Variants in RAPGEF4 observed in about 807,000 individuals in gnomAD.
RAPGEF4 encodes the protein Rap guanine nucleotide exchange factor 4, also known as RAP guanine-nucleotide-exchange factor (GEF) 4.
A neutral mutation model predicts 147.9 loss-of-function variants in RAPGEF4; 66 were observed. The ratio of observed to expected loss-of-function variants is 0.45; its 90% CI spans 0.37 to 0.55. The LOEUF (loss-of-function observed/expected upper bound fraction) is 0.55, where lower values mean the gene tolerates loss of function less well. Among genes scored for constraint, RAPGEF4 ranks in the 20% least tolerant of loss-of-function variants. The pLI is 0.00. For missense variants in RAPGEF4, 1,071 were observed against 1,257.3 expected, an observed-to-expected ratio of 0.85 and a Z score of 2.24; for synonymous variants, 419 against 442.7, an observed-to-expected ratio of 0.95 and a Z score of 0.67.
At chr2:172,811,780 A>G (rs1016096223) in intron 3 of RAPGEF4, among the ~76,000 whole-genome samples, 7 of 152,178 alleles carry the variant, frequency 4.6e-5, no homozygotes, top group Admixed American at 6.5e-5. Flanking sequence ...TTCTTAATCT[A>G]CCTTTCATCA....
intron 4 of RAPGEF4, among the ~76,000 whole-genome samples, chr2:172,830,162 C>T (rs1267266091): frequency 2.0e-5 from 3 of 152,078 alleles, no homozygotes; most frequent in Non-Finnish European, 2.9e-5. Context: ...CATTTATTCC[C>T]AGTGTAACAT....
intron 1 of RAPGEF4, among the ~76,000 whole-genome samples, chr2:172,754,165 G>T (rs1695552840): frequency 6.6e-6 from 1 of 152,040 alleles, no homozygotes; most frequent in Non-Finnish European, 1.5e-5. Context: ...TTTTTTTTGT[G>T]TGGGTGTTTT....
chr2:172,892,012 G>A (rs1697972362), intron 4 of RAPGEF4, among the ~76,000 whole-genome samples: 1 of 152,108 alleles, frequency 6.6e-6, no homozygotes, highest in Non-Finnish European at 1.5e-5. Flanking sequence ...TTTATAAAAT[G>A]ACCATGAAGA....
intron 25 of RAPGEF4, among the ~76,000 whole-genome samples, chr2:173,028,888 C>T (rs1350249203): frequency 1.3e-5 from 2 of 152,192 alleles, no homozygotes; most frequent in Non-Finnish European, 2.9e-5. Context: ...TGTTCTTATT[C>T]CTCTGTTTAC....
chr2:172,805,556 A>G (rs1393775484), intron 3 of RAPGEF4, among the ~76,000 whole-genome samples: 1 of 152,176 alleles, frequency 6.6e-6, no homozygotes, highest in Non-Finnish European at 1.5e-5. Flanking sequence ...TAACCCAAGG[A>G]AAAGAGCACC....
intron 1 of RAPGEF4, among the ~76,000 whole-genome samples, chr2:172,757,064 A>G (rs1695851121): frequency 6.6e-6 from 1 of 152,230 alleles, no homozygotes; most frequent in South Asian, 2.1e-4. Flanking sequence ...ACCTGCTGAG[A>G]TCTTGGAGTT....
chr2:172,964,543 G>A (rs1413095642), intron 8 of RAPGEF4, among the ~76,000 whole-genome samples: 3 of 151,692 alleles, frequency 2.0e-5, no homozygotes, highest in South Asian at 2.1e-4. Context: ...TCCCAAAGTG[G>A]CACAGAACCA....
rs543918800 is a variant in RAPGEF4 at position 172,961,515 on chromosome 2, C to T, written c.698+287C>T. 5.3e-5 allele frequency among the ~76,000 whole-genome samples: 8 copies of T among 152,176 alleles called. No homozygotes were observed. In the South Asian group the frequency reaches 1.2e-3, roughly 24 times the overall value. On this transcript the variant is annotated intron_variant, in intron 8 of 30. Coordinates refer to ENST00000397081, the MANE Select transcript of RAPGEF4 (RefSeq NM_007023.4). ...TTTTTGCTAGTGACTTTTAGGAAGCCTACTAGATTTAGATCACATTCAACC... is the reference window on the plus strand; with the variant it reads ...TTTTTGCTAGTGACTTTTAGGAAGCTTACTAGATTTAGATCACATTCAACC...
chr2:172,845,368 G>A (rs898004076), intron 4 of RAPGEF4, among the ~76,000 whole-genome samples: 2 of 152,222 alleles, frequency 1.3e-5, no homozygotes, highest in Non-Finnish European at 2.9e-5. Context: ...GAATGGCCCT[G>A]CATGTGTTGT....
intron 21 of RAPGEF4, among the ~76,000 whole-genome samples, chr2:173,018,008 A>C (rs1695667657): frequency 6.6e-6 from 1 of 152,206 alleles, no homozygotes; most frequent in African/African-American, 2.4e-5. Flanking sequence ...ATAATGATAA[A>C]AATTTCATTT....
chr2:172,754,506 T>G (rs1695582870), intron 1 of RAPGEF4, among the ~76,000 whole-genome samples: 1 of 152,196 alleles, frequency 6.6e-6, no homozygotes, highest in Non-Finnish European at 1.5e-5. Context: ...TAAATTACTT[T>G]TCATAAAGAC....
chr2:172,996,491 G>GA lies in RAPGEF4; in HGVS notation c.1522dup (p.Ile508AsnfsTer12). The GA allele has an allele frequency of 6.3e-7, 1 of 1,580,924 alleles. No individual in the cohort carries two copies. On this transcript the variant is annotated frameshift_variant, in exon 16 of 31. Transcript: ENST00000397081. LOFTEE classifies it high-confidence loss of function. ...GTATACTGTGATGTCAGGAACACCT[G>GA]AAAAAATTTTAGAGCATTTTCTAGA...
chr2:172,964,758 C>T (rs1210679468), intron 8 of RAPGEF4, among the ~76,000 whole-genome samples: 1 of 152,184 alleles, frequency 6.6e-6, no homozygotes, highest in African/African-American at 2.4e-5. Flanking sequence ...TCTCTTGAAC[C>T]ATCATGTTGT....
chr2:172,863,298 G>A (rs1309860743), intron 4 of RAPGEF4, among the ~76,000 whole-genome samples: 5 of 152,050 alleles, frequency 3.3e-5, no homozygotes, highest in African/African-American at 4.8e-5. Flanking sequence ...TTATGTAAAG[G>A]GAAAGGGAAA....
intron 4 of RAPGEF4, among the ~76,000 whole-genome samples, chr2:172,836,004 G>T (rs1177414286): frequency 6.6e-6 from 1 of 152,094 alleles, no homozygotes; most frequent in Admixed American, 6.5e-5. Context: ...TTGAATGAGG[G>T]TGATAGTTGT....
chr2:172,995,174 C>T (rs1693208037), intron 15 of RAPGEF4, among the ~76,000 whole-genome samples: 2 of 151,922 alleles, frequency 1.3e-5, no homozygotes, highest in Non-Finnish European at 2.9e-5. Flanking sequence ...GGCAAGGAAA[C>T]CAGAGCTGAA....
chr2:172,931,517 TCAGA>T (rs1685976347), intron 6 of RAPGEF4, among the ~76,000 whole-genome samples: 1 of 152,160 alleles, frequency 6.6e-6, no homozygotes, highest in Non-Finnish European at 1.5e-5. Flanking sequence ...TAAACTTGGC[TCAGA>T]CAGGAGAATC....
chr2:172,963,298 G>C (rs368509505), intron 8 of RAPGEF4, among the ~76,000 whole-genome samples: 2 of 152,128 alleles, frequency 1.3e-5, no homozygotes, highest in East Asian at 3.8e-4. Context: ...CTATAATTTT[G>C]AGAAAAGTAA....
At chr2:172,763,872 T>C (rs948362684) in intron 1 of RAPGEF4, among the ~76,000 whole-genome samples, 2 of 152,180 alleles carry the variant, frequency 1.3e-5, no homozygotes, top group African/African-American at 2.4e-5. Context: ...TACATATTCA[T>C]ATTTCCTTTT....
Sources: gnomAD v4.1 joint callset for allele counts (sites outside exome capture counted in the v4.1 genomes callset) on GRCh38, gnomAD v4.1.1 for gene constraint, MANE v1.5 for transcripts, NCBI Gene and HGNC (gene_info 2026-07-23, HGNC 2026-07-21) for gene names.